The following CDK14 variants were observed in gnomAD, a reference collection of about 807,000 sequenced individuals.
CDK14 encodes the protein cyclin-dependent kinase 14.
CDK14 carries 34 observed loss-of-function variants against 60.7 expected under a neutral mutation model. That is an observed-to-expected ratio of 0.56 (90% CI 0.43 to 0.75). The LOEUF (loss-of-function observed/expected upper bound fraction) is 0.75, where lower values mean the gene tolerates loss of function less well. Among genes scored for constraint, CDK14 ranks in the 30% least tolerant of loss-of-function variants. CDK14 has a pLI of 0.00. For missense variants in CDK14, 482 were observed against 564.1 expected (o/e 0.85, Z 1.47); for synonymous variants, 197 against 203.7 (o/e 0.97, Z 0.28).
At chr7:90,682,258 T>TA (rs556995009) in intron 2 of CDK14, among the ~76,000 whole-genome samples, 193 of 152,278 alleles carry the variant, frequency 1.3e-3, no homozygotes, top group Middle Eastern at 6.8e-3. Flanking sequence ...TATAAATATC[T>TA]AAAAAAAGAC....
At chr7:90,786,829 G>T (rs1805603010) in intron 4 of CDK14, among the ~76,000 whole-genome samples, 2 of 147,528 alleles carry the variant, frequency 1.4e-5, no homozygotes, top group Non-Finnish European at 3.0e-5. Context: ...TGAGGTAGGA[G>T]AATCTCTTGA....
chr7:91,071,557 C>G (rs1188028108), intron 11 of CDK14, among the ~76,000 whole-genome samples: 1 of 152,210 alleles, frequency 6.6e-6, no homozygotes, highest in Non-Finnish European at 1.5e-5. Context: ...ACTCATGAGC[C>G]CATGCCACCG....
At chr7:90,802,875 C>T (rs1788694062) in intron 5 of CDK14, among the ~76,000 whole-genome samples, 1 of 152,114 alleles carries the variant, frequency 6.6e-6, no homozygotes. Context: ...TCTCTTATGT[C>T]TTTGAGAATA....
At chr7:91,159,415 G>A (rs545250414) in intron 14 of CDK14, among the ~76,000 whole-genome samples, 8 of 152,292 alleles carry the variant, frequency 5.3e-5, no homozygotes, top group Middle Eastern at 6.8e-3. Flanking sequence ...CCTCAGTGGT[G>A]AAAATAAGCA....
In CDK14 at chr7:90,899,282, CT is replaced by C. The variant is rs1792428303; in HGVS notation, c.640-5del. On this transcript the variant is annotated splice_region_variant and splice_polypyrimidine_tract_variant and intron_variant, in intron 6 of 14. Transcript: ENST00000380050. ...GGGTTATTAATACATTTTTCCTTTT[CT>C]TTTCTAGCACACTGATTTATGTCAG... 4.4e-6 allele frequency: 7 copies of C among 1,593,270 alleles called. No individual in the cohort carries two copies. The highest frequency in any genetic ancestry group is 6.0e-6 in the Non-Finnish European group (7 of 1,170,822).
chr7:90,710,536 C>A, intron 2 of CDK14: 4 of 985,272 alleles, frequency 4.1e-6, no homozygotes, highest in Non-Finnish European at 4.8e-6. Flanking sequence ...AATACACCTG[C>A]TTTAAGTGTG....
chr7:90,817,250 A>C (rs1380805167), intron 5 of CDK14, among the ~76,000 whole-genome samples: 1 of 152,216 alleles, frequency 6.6e-6, no homozygotes, highest in East Asian at 1.9e-4. Flanking sequence ...GGGAAATTTT[A>C]GTATGGGTCA....
chr7:91,077,478 CAG>C (rs988368078), intron 11 of CDK14, among the ~76,000 whole-genome samples: 3 of 151,440 alleles, frequency 2.0e-5, no homozygotes, highest in African/African-American at 4.9e-5. Flanking sequence ...ATATCACACA[CAG>C]GGGCCTGTTG....
At chr7:91,110,448 G>A (rs1368201708) in intron 12 of CDK14, among the ~76,000 whole-genome samples, 1 of 152,128 alleles carries the variant, frequency 6.6e-6, no homozygotes, top group African/African-American at 2.4e-5. Context: ...TGCTTCAGAT[G>A]TGATTCATGG....
chr7:90,709,683 AC>A (rs1801991119), intron 2 of CDK14: 1 of 1,556,366 alleles, frequency 6.4e-7, no homozygotes, highest in East Asian at 2.3e-5. Context: ...AGCTATTGAT[AC>A]TGAATGTTAG....
chr7:90,883,717 G>A (rs1791842870), intron 6 of CDK14, among the ~76,000 whole-genome samples: 2 of 152,128 alleles, frequency 1.3e-5, no homozygotes, highest in South Asian at 4.1e-4. Flanking sequence ...GAATCCAGCA[G>A]CACATCAAAA....
At chr7:90,754,734 C>G (rs1477668878) in intron 4 of CDK14, among the ~76,000 whole-genome samples, 1 of 152,060 alleles carries the variant, frequency 6.6e-6, no homozygotes, top group Non-Finnish European at 1.5e-5. Context: ...GATCTGATAT[C>G]TAGAATCTCT....
chr7:90,835,107 A>G (rs888942993), intron 5 of CDK14, among the ~76,000 whole-genome samples: 1 of 152,166 alleles, frequency 6.6e-6, no homozygotes, highest in Non-Finnish European at 1.5e-5. Context: ...CAAGAAGATA[A>G]AGGCATTGAA....
intron 12 of CDK14, among the ~76,000 whole-genome samples, chr7:91,087,568 A>G (rs1798676394): frequency 6.6e-6 from 1 of 152,182 alleles, no homozygotes; most frequent in Non-Finnish European, 1.5e-5. Context: ...TTAATCTTTA[A>G]GTAAGGTAAG....
intron 10 of CDK14, among the ~76,000 whole-genome samples, chr7:91,043,081 C>A (rs550527193): frequency 2.6e-4 from 40 of 152,258 alleles, no homozygotes; most frequent in African/African-American, 9.1e-4. Context: ...AATAGTTAAG[C>A]CTATAATTGA....
At chr7:90,760,095 G>A (rs1350751211) in intron 4 of CDK14, among the ~76,000 whole-genome samples, 1 of 152,172 alleles carries the variant, frequency 6.6e-6, no homozygotes, top group African/African-American at 2.4e-5. Context: ...AATTTGTGCA[G>A]AATAATTGAA....
intron 9 of CDK14, among the ~76,000 whole-genome samples, chr7:90,971,079 C>G (rs903430246): frequency 6.6e-6 from 1 of 152,030 alleles, no homozygotes; most frequent in Non-Finnish European, 1.5e-5. Flanking sequence ...CCGCTCCCCC[C>G]ACCCCACAAC....
chr7:90,763,281 T>G (rs1804401564), intron 4 of CDK14, among the ~76,000 whole-genome samples: 1 of 152,164 alleles, frequency 6.6e-6, no homozygotes, highest in South Asian at 2.1e-4. Flanking sequence ...GATTCGATGA[T>G]CTGATCAGTA....
At chr7:91,112,130 T>C (rs1200209969) in intron 12 of CDK14, among the ~76,000 whole-genome samples, 1 of 152,192 alleles carries the variant, frequency 6.6e-6, no homozygotes, top group Non-Finnish European at 1.5e-5. Context: ...CTGGAGAATT[T>C]AATAGCAGTT....
Sources: gnomAD v4.1 joint callset for allele counts (sites outside exome capture counted in the v4.1 genomes callset) on GRCh38, gnomAD v4.1.1 for gene constraint, MANE v1.5 for transcripts, NCBI Gene and HGNC (gene_info 2026-07-23, HGNC 2026-07-21) for gene names.